The following LNX1 variants were observed in gnomAD, a reference collection of about 807,000 sequenced individuals.
LNX1 encodes E3 ubiquitin-protein ligase LNX.
Under a neutral mutation model 68.4 loss-of-function variants are expected in LNX1, and 54 were observed. That is an observed-to-expected ratio of 0.79 (90% CI 0.63 to 0.99). The LOEUF is 0.99. LNX1 is among the 50% of genes least tolerant of loss of function. The probability of loss-of-function intolerance (pLI) is 0.00; values close to 1 mark genes in which losing one functional copy is unlikely to be tolerated. For missense variants in LNX1, 906 were observed against 926.4 expected (o/e 0.98, Z 0.29); for synonymous variants, 336 against 350.0 (o/e 0.96, Z 0.45).
chr4:53,617,968 C>T (rs2109856195), upstream of LNX1, among the ~76,000 whole-genome samples: 1 of 152,174 alleles, frequency 6.6e-6, no homozygotes, highest in Non-Finnish European at 1.5e-5. Context: ...CAATTATTTT[C>T]TCTAGTAGTG....
At chr4:53,531,954 C>G (rs1728051124) in intron 2 of LNX1, among the ~76,000 whole-genome samples, 1 of 152,180 alleles carries the variant, frequency 6.6e-6, no homozygotes, top group Non-Finnish European at 1.5e-5. Context: ...CTGGAAACCA[C>G]TTGCTACTTC....
At chr4:53,595,235 CAT>C (rs1176537306), upstream of LNX1, among the ~76,000 whole-genome samples, 1 of 152,032 alleles carries the variant, frequency 6.6e-6, no homozygotes, top group East Asian at 1.9e-4. Context: ...TGGGGAGGAA[CAT>C]GTGTGTGGTG....
At chr4:53,498,586 GA>G in intron 5 of LNX1, 54 bp downstream of exon 5, 2 of 1,351,848 alleles carry the variant, frequency 1.5e-6, no homozygotes, top group South Asian at 2.3e-5. Flanking sequence ...TGTTTGCTCA[GA>G]AGCATTTTTT....
intron 2 of LNX1, among the ~76,000 whole-genome samples, chr4:53,537,124 A>T (rs1268928300): frequency 5.3e-5 from 8 of 152,180 alleles, no homozygotes; most frequent in Non-Finnish European, 1.2e-4. Context: ...ATGAGTACTG[A>T]TTTTCCTGTC....
intron 2 of LNX1, among the ~76,000 whole-genome samples, chr4:53,527,529 C>T (rs1246518621): frequency 1.3e-5 from 2 of 152,328 alleles, no homozygotes; most frequent in East Asian, 1.9e-4. Context: ...CACTCCTTGG[C>T]TCCACTGGTT....
At chr4:53,590,550 A>G (rs1260413128) in intron 1 of LNX1, among the ~76,000 whole-genome samples, 1 of 152,112 alleles carries the variant, frequency 6.6e-6, no homozygotes, top group Admixed American at 6.5e-5. Context: ...GAAAACAAAA[A>G]TGGATCCTAG....
intron 1 of LNX1, among the ~76,000 whole-genome samples, chr4:53,649,754 G>A (rs1404417448): frequency 3.9e-5 from 6 of 152,146 alleles, no homozygotes; most frequent in Non-Finnish European, 5.9e-5. Flanking sequence ...GGTGCCCTCC[G>A]ATGGCAGGCT....
chr4:53,488,506 C>T (rs1250418630), intron 6 of LNX1, among the ~76,000 whole-genome samples: 2 of 152,096 alleles, frequency 1.3e-5, no homozygotes, highest in Non-Finnish European at 2.9e-5. Flanking sequence ...AGAATAGAAC[C>T]CAGAAGATGA....
intron 1 of LNX1, among the ~76,000 whole-genome samples, chr4:53,634,103 A>G (rs1445345618): frequency 6.6e-6 from 1 of 152,168 alleles, no homozygotes; most frequent in Non-Finnish European, 1.5e-5. Flanking sequence ...AATGCTCTAC[A>G]ATGAAGAAGA....
intron 9 of LNX1, among the ~76,000 whole-genome samples, chr4:53,476,546 C>A (rs1269537788): frequency 2.0e-5 from 3 of 152,212 alleles, no homozygotes; most frequent in Admixed American, 2.0e-4. Flanking sequence ...AGTATTTCCA[C>A]ATCCAGGCTT....
At chr4:53,585,768 T>G (rs1266823379) in intron 1 of LNX1, among the ~76,000 whole-genome samples, 1 of 152,012 alleles carries the variant, frequency 6.6e-6, no homozygotes, top group African/African-American at 2.4e-5. Flanking sequence ...TTCAGAGGAG[T>G]GTGGCCCTGC....
At chr4:53,623,558 A>G (rs1401944253) in intron 1 of LNX1, among the ~76,000 whole-genome samples, 2 of 152,110 alleles carry the variant, frequency 1.3e-5, no homozygotes, top group Admixed American at 6.6e-5. Flanking sequence ...GATGCAAACC[A>G]TAAGTTCTTC....
At chr4:53,645,024 G>A (rs145581170) in intron 1 of LNX1, among the ~76,000 whole-genome samples, 21 of 152,276 alleles carry the variant, frequency 1.4e-4, no homozygotes, top group African/African-American at 4.8e-4. Context: ...GTGAGCCCAG[G>A]AAATCTCCAG....
At chr4:53,641,629 C>G (rs1344606856) in intron 1 of LNX1, among the ~76,000 whole-genome samples, 1 of 152,204 alleles carries the variant, frequency 6.6e-6, no homozygotes, top group African/African-American at 2.4e-5. Context: ...GAAATCATCA[C>G]TGCAATCAAG....
intron 2 of LNX1, among the ~76,000 whole-genome samples, chr4:53,564,325 G>A (rs1730493052): frequency 1.3e-5 from 2 of 152,154 alleles, no homozygotes; most frequent in Admixed American, 1.3e-4. Context: ...ACAGCCACCT[G>A]CTAGCCCTTC....
upstream of LNX1, among the ~76,000 whole-genome samples, chr4:53,619,578 A>G (rs1172973877): frequency 5.9e-5 from 9 of 152,156 alleles, no homozygotes; most frequent in Non-Finnish European, 1.2e-4. Context: ...AGTCCATTGT[A>G]AGGGTATACA....
At chr4:53,584,979 T>A (rs1432059038) in intron 1 of LNX1, among the ~76,000 whole-genome samples, 1 of 152,208 alleles carries the variant, frequency 6.6e-6, no homozygotes, top group East Asian at 1.9e-4. Flanking sequence ...TGTTTTTATC[T>A]TTGTCTTTGG....
At chr4:53,484,190 A>T (rs1164963300) in intron 6 of LNX1, among the ~76,000 whole-genome samples, 2 of 152,186 alleles carry the variant, frequency 1.3e-5, no homozygotes, top group African/African-American at 4.8e-5. Context: ...GCCACCTAGG[A>T]TAGTGTATTT....
At chr4:53,562,065 T>A (rs538260718) in intron 2 of LNX1, among the ~76,000 whole-genome samples, 2 of 152,354 alleles carry the variant, frequency 1.3e-5, no homozygotes, top group South Asian at 4.1e-4. Context: ...TTATTTTTCT[T>A]TCATTCAGGG....
Sources: allele counts gnomAD v4.1 joint callset (sites outside exome capture counted in the v4.1 genomes callset), GRCh38; gene constraint gnomAD v4.1.1; transcripts MANE v1.5; gene names NCBI Gene and HGNC (gene_info 2026-07-23, HGNC 2026-07-21).